The following GLDN variants were observed in gnomAD, a reference collection of about 807,000 sequenced individuals.
The protein encoded by GLDN is gliomedin.
Under a neutral mutation model 56.5 loss-of-function variants are expected in GLDN, and 47 were observed. The ratio of observed to expected loss-of-function variants is 0.83; its 90% confidence interval spans 0.66 to 1.06. The LOEUF (loss-of-function observed/expected upper bound fraction) is 1.06, where lower values mean the gene tolerates loss of function less well. GLDN is among the 50% of genes least tolerant of loss of function. GLDN has a pLI of 0.00. For synonymous variants in GLDN, 332 were observed against 278.8 expected, an observed-to-expected ratio of 1.19 and a Z score of -1.90; for missense variants, 782 against 714.3, an observed-to-expected ratio of 1.09 and a Z score of -1.08.
intron 4 of GLDN, among the ~76,000 whole-genome samples, chr15:51,391,896 C>T (rs1366059789): frequency 1.3e-5 from 2 of 152,210 alleles, no homozygotes; most frequent in African/African-American, 4.8e-5. Flanking sequence ...TGGTGAGGAC[C>T]CTGGGGCTTC....
the GLDN span, among the ~76,000 whole-genome samples, chr15:51,413,157 G>A: frequency 6.6e-6 from 1 of 152,092 alleles, no homozygotes; most frequent in South Asian, 2.1e-4. Context: ...TGGATTTTTA[G>A]TTATAATTTG....
chr15:51,355,899 G>A (rs1160766131), intron 1 of GLDN, among the ~76,000 whole-genome samples: 3 of 150,318 alleles, frequency 2.0e-5, no homozygotes, highest in African/African-American at 4.9e-5. Flanking sequence ...CCTGAGAGAT[G>A]AGAGGTGACT....
intron 1 of GLDN, among the ~76,000 whole-genome samples, chr15:51,359,108 T>C (rs1323432523): frequency 6.6e-6 from 1 of 152,072 alleles, no homozygotes; most frequent in Non-Finnish European, 1.5e-5. Flanking sequence ...GACAAAAAGA[T>C]AGTCAAGGAA....
intron 1 of GLDN, among the ~76,000 whole-genome samples, chr15:51,358,978 A>G (rs2037239847): frequency 2.0e-5 from 3 of 152,140 alleles, no homozygotes. Flanking sequence ...ATTATGTAAA[A>G]AATGTAATTT....
downstream of GLDN, among the ~76,000 whole-genome samples, chr15:51,411,278 A>G (rs188922818): frequency 2.0e-4 from 30 of 152,358 alleles, no homozygotes; most frequent in African/African-American, 7.2e-4. Flanking sequence ...GAAAAATCTC[A>G]GGATCAGACC....
At chr15:51,410,632 TC>T (rs1010494447), downstream of GLDN, among the ~76,000 whole-genome samples, 1 of 152,198 alleles carries the variant, frequency 6.6e-6, no homozygotes, top group Non-Finnish European at 1.5e-5. Flanking sequence ...CTAAACTCCA[TC>T]TCAGAGTTTG....
chr15:51,351,805 A>T (rs79917986), intron 1 of GLDN, among the ~76,000 whole-genome samples: 6,787 of 152,296 alleles, frequency 0.045, 163 homozygotes, highest in East Asian at 0.074. Flanking sequence ...TGGAAGTCAG[A>T]TGGATTCATA....
intron 1 of GLDN, among the ~76,000 whole-genome samples, chr15:51,354,263 G>A (rs2037133284): frequency 6.6e-6 from 1 of 152,162 alleles, no homozygotes; most frequent in Non-Finnish European, 1.5e-5. Flanking sequence ...GTGAATAAGT[G>A]TACTCCAAAA....
intron 6 of GLDN, 148 bp downstream of exon 6, chr15:51,397,746 C>A: frequency 9.2e-7 from 1 of 1,087,366 alleles, no homozygotes; most frequent in Non-Finnish European, 1.2e-6. Context: ...AAACTTCTCA[C>A]AGGAGTTCTT....
intron 4 of GLDN, among the ~76,000 whole-genome samples, chr15:51,389,007 T>G (rs902421217): frequency 1.3e-5 from 2 of 152,142 alleles, no homozygotes. Flanking sequence ...TCAGAGACAG[T>G]TGATTTTTGT....
At chr15:51,383,250 T>C (rs1181634611) in intron 2 of GLDN, among the ~76,000 whole-genome samples, 186 bp from the exon 3 acceptor site, 1 of 152,232 alleles carries the variant, frequency 6.6e-6, no homozygotes, top group Admixed American at 6.5e-5. Context: ...AGTGGTTTGA[T>C]TGGCAAATGG....
Position 51,404,363 on chromosome 15 carries a change from A to G in GLDN, c.1265A>G (p.Lys422Arg). Residue 422 changes from lysine to arginine, a missense_variant, in exon 10 of 10, where the codon AAA (lysine) becomes AGA (arginine). Physicochemically the swap from Lys to Arg is conservative, Grantham distance 26 (BLOSUM62 2). Coordinates refer to ENST00000335449, the MANE Select transcript of GLDN (RefSeq NM_181789.4). The part of the protein sequence containing the change: ...FDRKYLFANS[K>R]TYFNLAVDEK... ...CGAAAATACCTTTTTGCAAATTCCA[A>G]AACTTACTTCAATCTAGCTGTAGAT... 1 of 1,614,040 alleles carries G rather than the reference A, an allele frequency of 6.2e-7. No homozygotes were observed. Among genetic ancestry groups the G allele is most frequent in the Non-Finnish European group, 8.5e-7 (1 of 1,180,010 alleles).
intron 1 of GLDN, among the ~76,000 whole-genome samples, chr15:51,348,231 C>T (rs1885803255): frequency 6.6e-6 from 1 of 152,162 alleles, no homozygotes; most frequent in Admixed American, 6.5e-5. Context: ...AGGGGAGGCT[C>T]CCGCTGATGG....
At chr15:51,354,851 A>G (rs1446124514) in intron 1 of GLDN, among the ~76,000 whole-genome samples, 1 of 152,258 alleles carries the variant, frequency 6.6e-6, no homozygotes, top group African/African-American at 2.4e-5. Context: ...CTGTTGGTGC[A>G]ATGCAGGAAA....
At chr15:51,355,962 C>G (rs2037174694) in intron 1 of GLDN, among the ~76,000 whole-genome samples, 1 of 150,306 alleles carries the variant, frequency 6.7e-6, no homozygotes, top group African/African-American at 2.4e-5. Context: ...AATCCCAACA[C>G]TTTGGGAGGC....
intron 5 of GLDN, 55 bp from the exon 6 acceptor site, chr15:51,397,415 C>G: frequency 1.1e-6 from 1 of 902,928 alleles, no homozygotes. Flanking sequence ...CCTCTCTCCC[C>G]TTCCCCCTTC....
chr15:51,394,726 T>G, intron 4 of GLDN, 109 bp from the exon 5 acceptor site: 1 of 1,015,458 alleles, frequency 9.8e-7, no homozygotes, highest in South Asian at 1.5e-5. Context: ...ATGCTGTGTG[T>G]TTGGTATATA....
intron 1 of GLDN, among the ~76,000 whole-genome samples, chr15:51,346,935 G>A (rs2036988557): frequency 6.6e-6 from 1 of 152,082 alleles, no homozygotes. Context: ...GCATGATGGT[G>A]AGTGCCTGTA....
At position 51,363,065 on chromosome 15, in the gene GLDN, G is replaced by A. The variant is rs1009611942; in HGVS notation, c.364-14384G>A. ...AAAACTGCAGATAGAACAGGTTTAG[G>A]GGGAAGATGAAGAGTTCAGTTTTGA... On this transcript the variant is annotated intron_variant, in intron 1 of 9. Coordinates refer to ENST00000335449, the MANE Select transcript of GLDN (RefSeq NM_181789.4). 7.2e-5 allele frequency among the ~76,000 whole-genome samples: 11 copies of A among 152,126 alleles called. 1 individual carries two copies. Among genetic ancestry groups the A allele is most frequent in the Admixed American group, 6.5e-4 (10 of 15,274 alleles).
Sources: allele counts gnomAD v4.1 joint callset (sites outside exome capture counted in the v4.1 genomes callset), GRCh38; gene constraint gnomAD v4.1.1; transcripts MANE v1.5; gene names NCBI Gene and HGNC (gene_info 2026-07-23, HGNC 2026-07-21).